WWOX: variants seen among roughly 807,000 people sequenced by gnomAD.
The protein encoded by WWOX is WW domain-containing oxidoreductase.
In WWOX, 69 loss-of-function variants were observed where a neutral mutation model predicts 46.2. That is an observed-to-expected ratio of 1.49 (90% CI 1.23 to 1.82). WWOX has a LOEUF of 1.82. WWOX is among the 40% of genes most tolerant of loss of function. The pLI is 0.00. For synonymous variants in WWOX, 359 were observed against 202.6 expected (o/e 1.77, Z -6.56); for missense variants, 919 against 542.6 (o/e 1.69, Z -6.89).
chr16:78,948,496 C>A (rs1272888904), intron 8 of WWOX, among the ~76,000 whole-genome samples: 1 of 152,092 alleles, frequency 6.6e-6, no homozygotes, highest in Non-Finnish European at 1.5e-5. Context: ...CCTCCCGTTT[C>A]CTGAAAGGCA....
intron 8 of WWOX, among the ~76,000 whole-genome samples, chr16:78,787,587 A>G (rs56408141): frequency 0.23 from 35,068 of 152,010 alleles, 4,305 homozygotes; most frequent in East Asian, 0.39. Flanking sequence ...TTGTGTTTCT[A>G]CTTGTTGGCT....
At chr16:78,864,832 G>T (rs1247478124) in intron 8 of WWOX, among the ~76,000 whole-genome samples, 1 of 136,190 alleles carries the variant, frequency 7.3e-6, no homozygotes, top group Non-Finnish European at 1.5e-5. Context: ...GTGTGAACTC[G>T]GCTCACTGCA....
chr16:78,852,318 C>T (rs903246362), intron 8 of WWOX, among the ~76,000 whole-genome samples: 1 of 152,144 alleles, frequency 6.6e-6, no homozygotes, highest in African/African-American at 2.4e-5. Context: ...TAGCGCATGA[C>T]CTCTGAAGCT....
chr16:78,677,151 C>G (rs1443218127), intron 8 of WWOX, among the ~76,000 whole-genome samples: 5 of 151,968 alleles, frequency 3.3e-5, no homozygotes, highest in Non-Finnish European at 1.5e-5. Context: ...TTTACAGACC[C>G]CAAAGCTTGC....
chr16:78,489,501 G>C (rs750992259), intron 8 of WWOX, among the ~76,000 whole-genome samples: 1 of 151,966 alleles, frequency 6.6e-6, no homozygotes, highest in Non-Finnish European at 1.5e-5. Context: ...CACTTTCCCA[G>C]TGAGACTTCA....
At chr16:78,418,174 C>G (rs532215138) in intron 6 of WWOX, among the ~76,000 whole-genome samples, 10 of 152,064 alleles carry the variant, frequency 6.6e-5, no homozygotes, top group Non-Finnish European at 2.9e-5. Flanking sequence ...TCCTGGCTAA[C>G]ATGGTGAAAC....
chr16:78,519,023 A>G (rs2043294946), intron 8 of WWOX, among the ~76,000 whole-genome samples: 1 of 152,142 alleles, frequency 6.6e-6, no homozygotes, highest in Non-Finnish European at 1.5e-5. Context: ...GGATAGGTCT[A>G]GTTTTTGTTT....
At chr16:78,687,491 G>C (rs956144106) in intron 8 of WWOX, among the ~76,000 whole-genome samples, 1 of 152,168 alleles carries the variant, frequency 6.6e-6, no homozygotes, top group African/African-American at 2.4e-5. Context: ...TTATGATGCA[G>C]CTTCTCAGGG....
At chr16:79,210,744 G>T (rs1387507066) in intron 8 of WWOX, among the ~76,000 whole-genome samples, 1 of 152,086 alleles carries the variant, frequency 6.6e-6, no homozygotes, top group South Asian at 2.1e-4. Flanking sequence ...GTGATTTCTT[G>T]CCCTCTTTAT....
intron 5 of WWOX, among the ~76,000 whole-genome samples, chr16:78,174,026 A>G (rs1235655601): frequency 6.6e-6 from 1 of 152,078 alleles, no homozygotes; most frequent in African/African-American, 2.4e-5. Context: ...CTTCATGAGG[A>G]TTCCACTCTC....
intron 8 of WWOX, among the ~76,000 whole-genome samples, chr16:78,448,929 C>T (rs980112183): frequency 2.6e-5 from 4 of 152,088 alleles, no homozygotes; most frequent in African/African-American, 9.7e-5. Flanking sequence ...GTCCTTGGGT[C>T]GGCTATCTTG....
At chr16:78,156,072 G>A (rs376376085) in intron 4 of WWOX, among the ~76,000 whole-genome samples, 1 of 152,170 alleles carries the variant, frequency 6.6e-6, no homozygotes. Context: ...CTAGCAACGG[G>A]TAATGCATTG....
chr16:79,104,988 C>T (rs2049278954), intron 8 of WWOX, among the ~76,000 whole-genome samples: 1 of 152,160 alleles, frequency 6.6e-6, no homozygotes, highest in Admixed American at 6.5e-5. Flanking sequence ...CCCCAATTTC[C>T]TCATGATACT....
chr16:78,385,182 C>T (rs564419191), intron 5 of WWOX, among the ~76,000 whole-genome samples: 1 of 138,186 alleles, frequency 7.2e-6, no homozygotes, highest in African/African-American at 2.9e-5. Context: ...GCTTTGTTAG[C>T]AGGCATGACT....
intron 8 of WWOX, among the ~76,000 whole-genome samples, chr16:78,554,693 G>C (rs76228481): frequency 0.067 from 10,248 of 152,102 alleles, 455 homozygotes; most frequent in East Asian, 0.11. Flanking sequence ...GAATAGGACC[G>C]TAGAGGTGGC....
chr16:78,355,398 C>A lies in WWOX; in HGVS notation c.517-31462C>A, dbSNP rs1030838452. On this transcript the variant is annotated intron_variant, in intron 5 of 8. Coordinates refer to ENST00000566780, the MANE Select transcript of WWOX (RefSeq NM_016373.4). ...CGGGCGAATCACGAGGTCAGGAGAT[C>A]GAGACCATCCTGGCTAACACGGTGA... 6 of 245,024 alleles carry A rather than the reference C, an allele frequency of 2.4e-5. No individual in the cohort carries two copies. In the South Asian group the frequency reaches 3.0e-4, roughly 12 times the overall value. The allele number at this position is 245,024 out of a possible 1,614,324, so 15.2% of individuals were successfully genotyped here.
intron 8 of WWOX, among the ~76,000 whole-genome samples, chr16:78,804,055 T>G (rs2293900): frequency 0.8 from 120,871 of 151,940 alleles, 48,388 homozygotes; most frequent in Middle Eastern, 0.87. Context: ...CTTTCCTTCA[T>G]CTGACTTCCC....
At chr16:78,151,811 C>G (rs1218333815) in intron 4 of WWOX, among the ~76,000 whole-genome samples, 1 of 152,194 alleles carries the variant, frequency 6.6e-6, no homozygotes, top group Non-Finnish European at 1.5e-5. Context: ...GTAACTCTCT[C>G]CTGCAGTAAT....
chr16:78,735,055 C>G (rs2049054301), intron 8 of WWOX, among the ~76,000 whole-genome samples: 1 of 151,118 alleles, frequency 6.6e-6, no homozygotes, highest in African/African-American at 2.4e-5. Flanking sequence ...TTAGTAGAGA[C>G]AGGGTTTCAC....
Sources: allele counts gnomAD v4.1 joint callset (sites outside exome capture counted in the v4.1 genomes callset), GRCh38; gene constraint gnomAD v4.1.1; transcripts MANE v1.5; gene names NCBI Gene and HGNC (gene_info 2026-07-23, HGNC 2026-07-21).